Variants in TRPM7 observed in about 807,000 individuals in gnomAD.
The protein encoded by TRPM7 is transient receptor potential cation channel subfamily M member 7.
A neutral mutation model predicts 229.7 loss-of-function variants in TRPM7; 134 were observed. That is an observed-to-expected ratio of 0.58 (90% CI 0.51 to 0.67). The LOEUF (loss-of-function observed/expected upper bound fraction) is 0.67. Among genes scored for constraint, TRPM7 ranks in the 30% least tolerant of loss-of-function variants. The pLI is 0.00. For missense variants in TRPM7, 1,901 were observed against 2,210.0 expected (o/e 0.86, Z 2.80); for synonymous variants, 699 against 715.2 (o/e 0.98, Z 0.36).
intron 14 of TRPM7, 48 bp from the exon 15 acceptor site, chr15:50,613,889 T>C: frequency 6.3e-7 from 1 of 1,581,476 alleles, no homozygotes; most frequent in Non-Finnish European, 8.6e-7. Context: ...CGTGCTGACA[T>C]GTTATAAAAA....
At position 50,591,901 on chromosome 15, in the gene TRPM7, C is replaced by A; in HGVS notation, c.4324+10G>T. On this transcript the variant is annotated intron_variant, in intron 26 of 38. Transcript: ENST00000646667. ...ATATTGATATACAAATACGAATTTGCCAAACTTACCTACAAATGCTCCAAA... is the reference window on the plus strand; with the variant it reads ...ATATTGATATACAAATACGAATTTGACAAACTTACCTACAAATGCTCCAAA... The A allele has an allele frequency of 6.5e-7, 1 of 1,527,190 alleles. No homozygotes were observed. The highest frequency in any genetic ancestry group is 1.4e-5 in the South Asian group (1 of 73,514). 94.6% of individuals were successfully genotyped at this position (1,527,190 alleles called of 1,614,324 possible). A position where few individuals can be genotyped will look rare whatever the true frequency, so the allele number is the denominator to read the frequency against.
chr15:50,662,890 G>T, intron 2 of TRPM7, 77 bp downstream of exon 2: 3 of 1,032,656 alleles, frequency 2.9e-6, no homozygotes, highest in Non-Finnish European at 4.4e-6. Flanking sequence ...AGTGGTTTTT[G>T]TTTCCAATAA....
chr15:50,594,624 A>G lies in TRPM7; in HGVS notation c.3291-11T>C. The G allele has an allele frequency of 6.6e-7, 1 of 1,519,164 alleles. No homozygotes were observed. The highest frequency in any genetic ancestry group is 8.9e-7 in the Non-Finnish European group (1 of 1,123,694). The allele number at this position is 1,519,164 out of a possible 1,614,324, so 94.1% of individuals were successfully genotyped here. On this transcript the variant is annotated splice_polypyrimidine_tract_variant and intron_variant, in intron 23 of 38. Transcript: ENST00000646667. ...TGTAAATACACATTGCTAGAGAAAT[A>G]ATGAATAAAAATAAAATAAACTTTG...
At chr15:50,682,333 G>T (rs1354514195) in intron 1 of TRPM7, among the ~76,000 whole-genome samples, 1 of 151,670 alleles carries the variant, frequency 6.6e-6, no homozygotes, top group Non-Finnish European at 1.5e-5. Context: ...CACAGTCCCA[G>T]AAAAACAGGT....
chr15:50,565,255 T>C (rs1986074), intron 38 of TRPM7, among the ~76,000 whole-genome samples: 55,527 of 151,728 alleles, frequency 0.37, 10,935 homozygotes, highest in Admixed American at 0.48. Flanking sequence ...GTGCTGGGAT[T>C]ACAGGGGTAC....
chr15:50,567,117 G>A (rs1375393544), intron 38 of TRPM7, among the ~76,000 whole-genome samples: 1 of 151,356 alleles, frequency 6.6e-6, no homozygotes, highest in Non-Finnish European at 1.5e-5. Flanking sequence ...ATAATCAACA[G>A]TCCTATCTCT....
At chr15:50,625,440 A>T (rs2060528636) in intron 11 of TRPM7, among the ~76,000 whole-genome samples, 1 of 152,056 alleles carries the variant, frequency 6.6e-6, no homozygotes, top group Non-Finnish European at 1.5e-5. Context: ...TGTTTTTTTG[A>T]GACGGGGTCT....
chr15:50,634,402 A>G lies in TRPM7; in HGVS notation c.987T>C (p.His329=). ...GRAADLLAYI[H]KQTEEGGNLP... The stretch of plus-strand genomic sequence containing the variant: ...CTTACCCTCCTTCTTCTGTTTGTTT[A>G]TGAATATACGCTAGCAGATCTGCAG... The change falls in exon 8 of 39, where the codon CAT becomes CAC. Residue 329 remains histidine (H), a synonymous_variant. Transcript: ENST00000646667. 1 of 1,573,306 alleles carries G rather than the reference A, an allele frequency of 6.4e-7. No individual in the cohort carries two copies. Among genetic ancestry groups the G allele is most frequent in the African/African-American group, 1.4e-5 (1 of 71,888 alleles).
In TRPM7 at chr15:50,686,498, C is replaced by T. The variant is rs1004621318; in HGVS notation, c.3+33G>A. ...CCTTTACCGCCCGCAACCCCAGAAC[C>T]ATTCCCCGCCCGGGCCTGCGTGGGT... is the stretch of plus-strand genomic sequence containing the variant. On this transcript the variant is annotated intron_variant, in intron 1 of 38. Coordinates refer to ENST00000646667, the MANE Select transcript of TRPM7 (RefSeq NM_017672.6). 13 of 1,613,928 alleles carry T rather than the reference C, an allele frequency of 8.1e-6. No homozygotes were observed. The Admixed American group carries it at 1.5e-4, about 19-fold the overall frequency.
chr15:50,608,079 GAAAGAAAAGAAAAGAAAA>G (rs1281527136), intron 19 of TRPM7, among the ~76,000 whole-genome samples: 1 of 145,558 alleles, frequency 6.9e-6, no homozygotes, highest in African/African-American at 2.5e-5. Flanking sequence ...AAGAAAGAAA[GAAAGAAAAGAAAAGAAAA>G]AAAGACAAGA....
chr15:50,572,371 C>T (rs1044878128), intron 36 of TRPM7, among the ~76,000 whole-genome samples: 1 of 152,146 alleles, frequency 6.6e-6, no homozygotes, highest in African/African-American at 2.4e-5. Flanking sequence ...AACATGGAGG[C>T]CAGATCCTTC....
intron 2 of TRPM7, among the ~76,000 whole-genome samples, chr15:50,662,460 C>G (rs1248662934): frequency 6.6e-6 from 1 of 152,004 alleles, no homozygotes; most frequent in Non-Finnish European, 1.5e-5. Flanking sequence ...ATCTTAGAGA[C>G]CAAAGACACA....
At chr15:50,649,834 A>G (rs929110847) in intron 3 of TRPM7, among the ~76,000 whole-genome samples, 1 of 152,112 alleles carries the variant, frequency 6.6e-6, no homozygotes, top group African/African-American at 2.4e-5. Flanking sequence ...TAGAAAACAA[A>G]AAGAGGAGGG....
chr15:50,637,987 C>T (rs2060957837), intron 6 of TRPM7, among the ~76,000 whole-genome samples: 1 of 152,076 alleles, frequency 6.6e-6, no homozygotes, highest in African/African-American at 2.4e-5. Flanking sequence ...GAGGCCGAGG[C>T]GAGTGGATTA....
chr15:50,677,681 G>C (rs974761170), intron 1 of TRPM7, among the ~76,000 whole-genome samples: 27 of 141,640 alleles, frequency 1.9e-4, no homozygotes, highest in African/African-American at 6.0e-4. Context: ...AGAGCTTGCA[G>C]TGAGCTGAGA....
chr15:50,623,550 G>A (rs1366944866), intron 12 of TRPM7, among the ~76,000 whole-genome samples: 1 of 146,050 alleles, frequency 6.8e-6, no homozygotes, highest in African/African-American at 2.6e-5. Context: ...AAAAGTAGAT[G>A]GGGCAATATA....
intron 1 of TRPM7, among the ~76,000 whole-genome samples, chr15:50,679,406 A>G (rs1275077589): frequency 6.8e-6 from 1 of 147,258 alleles, no homozygotes; most frequent in African/African-American, 2.6e-5. Context: ...CCCATTATCT[A>G]TCAGTGAGCA....
At chr15:50,637,963 T>A (rs1312690609) in intron 6 of TRPM7, among the ~76,000 whole-genome samples, 1 of 152,334 alleles carries the variant, frequency 6.6e-6, no homozygotes, top group African/African-American at 2.4e-5. Flanking sequence ...ATGCATGTGA[T>A]CCCGTCACTT....
chr15:50,619,678 T>G, intron 13 of TRPM7, 67 bp downstream of exon 13: 1 of 1,086,322 alleles, frequency 9.2e-7, no homozygotes. Context: ...ATTTTTTTTT[T>G]AAAAAACATG....
Sources: gnomAD v4.1 joint callset for allele counts (sites outside exome capture counted in the v4.1 genomes callset) on GRCh38, gnomAD v4.1.1 for gene constraint, MANE v1.5 for transcripts, NCBI Gene and HGNC (gene_info 2026-07-23, HGNC 2026-07-21) for gene names.